Variants in PCDH10 observed in about 807,000 individuals in gnomAD.
PCDH10 encodes protocadherin 10.
A neutral mutation model predicts 74.4 loss-of-function variants in PCDH10; 15 were observed. That is an observed-to-expected ratio of 0.20 (90% CI 0.13 to 0.31). The LOEUF (loss-of-function observed/expected upper bound fraction) is 0.31. Among genes scored for constraint, PCDH10 ranks in the 10% least tolerant of loss-of-function variants. The pLI is 1.00. For missense variants in PCDH10, 1,260 were observed against 1,390.2 expected (o/e 0.91, Z 1.49); for synonymous variants, 619 against 589.8 (o/e 1.05, Z -0.72).
Position 133,154,375 on chromosome 4 carries a change from C to CT in PCDH10, c.2690+17dup, listed in dbSNP as rs758602701. The CT allele has an allele frequency of 3.2e-5, 50 of 1,558,336 alleles. No individual in the cohort carries two copies. Among genetic ancestry groups the CT allele is most frequent in the African/African-American group, 5.5e-5 (4 of 72,694 alleles). On this transcript the variant is annotated intron_variant, in intron 2 of 4. Coordinates refer to ENST00000264360, the MANE Select transcript of PCDH10 (RefSeq NM_032961.3). ...CTCGCCGAGTTAACAGGTATGGACTCTTTTTTTCCCTAGCAGTAATGGACA... is the reference window on the plus strand; with the variant it reads ...CTCGCCGAGTTAACAGGTATGGACTCTTTTTTTTCCCTAGCAGTAATGGACA...
chr4:133,184,034 C>T (rs1727474952), intron 4 of PCDH10, among the ~76,000 whole-genome samples: 1 of 151,938 alleles, frequency 6.6e-6, no homozygotes, highest in Admixed American at 6.6e-5. Context: ...ATTCAATATA[C>T]ACATAAATTA....
intron 1 of PCDH10, 82 bp from the exon 2 acceptor site, chr4:133,154,225 A>T: frequency 2.5e-6 from 2 of 809,446 alleles, no homozygotes; most frequent in Non-Finnish European, 2.1e-6. Context: ...CTTAAGCTAG[A>T]TATAGTTCCT....
intron 4 of PCDH10, among the ~76,000 whole-genome samples, chr4:133,184,784 A>AT (rs397746833): frequency 3.5e-4 from 49 of 138,280 alleles, no homozygotes; most frequent in East Asian, 1.4e-3. Flanking sequence ...ATATATATAT[A>AT]AATATATATA....
At chr4:133,164,759 T>C (rs887758650) in intron 4 of PCDH10, among the ~76,000 whole-genome samples, 2 of 151,326 alleles carry the variant, frequency 1.3e-5, no homozygotes, top group Non-Finnish European at 3.0e-5. Flanking sequence ...ATTTTTATTA[T>C]TAAAATATTA....
At chr4:133,188,625 C>T (rs1469027504) in intron 4 of PCDH10, among the ~76,000 whole-genome samples, 1 of 144,114 alleles carries the variant, frequency 6.9e-6, no homozygotes, top group Non-Finnish European at 1.5e-5. Context: ...TACTTATTTT[C>T]ACTTTCATTT....
At position 133,151,081 on chromosome 4, in the gene PCDH10, G is replaced by A; in HGVS notation, c.941G>A (p.Gly314Asp). ...SPRTGRLEVS[G>D]ELDYEESPVY... Reference sequence around the variant, plus strand: ...CGCACTGGCAGACTGGAGGTAAGCGGCGAGTTGGACTATGAAGAGAGCCCA... The same window carrying A: ...CGCACTGGCAGACTGGAGGTAAGCGACGAGTTGGACTATGAAGAGAGCCCA... The change falls in exon 1 of 5, where the codon GGC (glycine) becomes GAC (aspartate). Residue 314 changes from glycine to aspartate, a missense_variant. Physicochemically the swap from Gly to Asp is moderately conservative, Grantham distance 94. This residue lies in a region of PCDH10 where 192 missense variants were observed against 161.2 expected (regional missense o/e 1.19). Transcript: ENST00000264360. The A allele has an allele frequency of 6.2e-7, 1 of 1,614,102 alleles. No homozygotes were observed. Among genetic ancestry groups the A allele is most frequent in the Non-Finnish European group, 8.5e-7 (1 of 1,180,020 alleles).
At chr4:133,189,778 C>G (rs1209496126) in intron 4 of PCDH10, among the ~76,000 whole-genome samples, 2 of 151,932 alleles carry the variant, frequency 1.3e-5, no homozygotes, top group Non-Finnish European at 2.9e-5. Flanking sequence ...TTGCTAGAAA[C>G]TTTTTCTAGA....
chr4:133,149,941 TAA>T lies in PCDH10; in HGVS notation c.-192_-191del. 1.6e-6 allele frequency: 1 copy of T among 611,946 alleles called. No individual in the cohort carries two copies. The highest frequency in any genetic ancestry group is 2.5e-6 in the Non-Finnish European group (1 of 402,298). The allele number at this position is 611,946 out of a possible 1,614,324, so 37.9% of individuals were successfully genotyped here. A position where few individuals can be genotyped will look rare whatever the true frequency, so the allele number is the denominator to read the frequency against. The stretch of plus-strand genomic sequence containing the variant: ...CTGTCACCCTTCCTGTGCTAAGATT[TAA>T]AAAAAAATGAGGCTGGATTGCGGGA... On this transcript the variant is annotated 5_prime_UTR_variant, in exon 1 of 5. The change creates a new upstream start codon in the 5' untranslated region. Coordinates refer to ENST00000264360, the MANE Select transcript of PCDH10 (RefSeq NM_032961.3).
chr4:133,176,037 T>C (rs554853676), intron 4 of PCDH10, among the ~76,000 whole-genome samples: 42 of 152,286 alleles, frequency 2.8e-4, no homozygotes, highest in Non-Finnish European at 5.4e-4. Context: ...CCTATTCTTA[T>C]TGCTTTCAGA....
chr4:133,195,117 T>C (rs1184364574), downstream of PCDH10, among the ~76,000 whole-genome samples: 1 of 151,912 alleles, frequency 6.6e-6, no homozygotes, highest in Non-Finnish European at 1.5e-5. Flanking sequence ...AAGAAGAAAA[T>C]ATGAATTAAG....
chr4:133,170,635 G>A (rs945942950), intron 4 of PCDH10, among the ~76,000 whole-genome samples: 2 of 152,054 alleles, frequency 1.3e-5, no homozygotes, highest in African/African-American at 2.4e-5. Context: ...TAACATGACA[G>A]TATGGTGCTT....
downstream of PCDH10, among the ~76,000 whole-genome samples, chr4:133,197,789 CT>C (rs1213050030): frequency 6.6e-6 from 1 of 152,052 alleles, no homozygotes; most frequent in Non-Finnish European, 1.5e-5. Context: ...GTGAATAACT[CT>C]TCTTTTGATC....
intron 4 of PCDH10, among the ~76,000 whole-genome samples, chr4:133,174,446 A>G (rs1560711448): frequency 6.6e-6 from 1 of 151,858 alleles, no homozygotes; most frequent in Non-Finnish European, 1.5e-5. Flanking sequence ...ACTAAATTTA[A>G]TAATAACAGA....
downstream of PCDH10, among the ~76,000 whole-genome samples, chr4:133,199,383 G>A (rs1054576656): frequency 3.3e-5 from 5 of 150,742 alleles, no homozygotes; most frequent in African/African-American, 1.2e-4. Flanking sequence ...GAGACATTGG[G>A]GTAGGAAGAG....
Position 133,150,782 on chromosome 4 carries a change from A to C in PCDH10, c.642A>C (p.Glu214Asp). 3 of 956,364 alleles carry C rather than the reference A, an allele frequency of 3.1e-6. No homozygotes were observed. Among genetic ancestry groups the C allele is most frequent in the Non-Finnish European group, 4.4e-6 (3 of 689,358 alleles). The allele number at this position is 956,364 out of a possible 1,614,324, so 59.2% of individuals were successfully genotyped here. ...GAGGAGGTGGGGGAGGAGTAGGAGAAGGAGGGGGAGGTGGCGGGGGAGCAG... is the reference window on the plus strand; with the variant it reads ...GAGGAGGTGGGGGAGGAGTAGGAGACGGAGGGGGAGGTGGCGGGGGAGCAG... The part of the protein sequence containing the change: ...VDGGGGGGVG[E>D]GGGGGGGAGL... Residue 214 changes from glutamate (E) to aspartate (D), a missense_variant, in exon 1 of 5, where the codon GAA becomes GAC. Around this residue, in one of 11 missense-constraint regions of PCDH10, gnomAD observed 192 missense variants for 161.2 expected, o/e 1.19. Coordinates refer to ENST00000264360, the MANE Select transcript of PCDH10 (RefSeq NM_032961.3).
intron 3 of PCDH10, among the ~76,000 whole-genome samples, chr4:133,158,983 A>C (rs1420377695): frequency 6.6e-6 from 1 of 152,116 alleles, no homozygotes; most frequent in Non-Finnish European, 1.5e-5. Context: ...AGTTATGTTA[A>C]TAACTATCTG....
At position 133,186,478 on chromosome 4, in the gene PCDH10, G is replaced by C. The variant is rs1268109369; in HGVS notation, c.3104-3663G>C. 2.0e-5 allele frequency among the ~76,000 whole-genome samples: 3 copies of C among 152,112 alleles called. No individual in the cohort carries two copies. The East Asian group carries it at 5.8e-4, about 29-fold the overall frequency. The stretch of plus-strand genomic sequence containing the variant: ...AAAAGAAATCCTCCAAGCATGCTTT[G>C]ATAATTCCAAAACATACATAGAATA... On this transcript the variant is annotated intron_variant, in intron 4 of 4. Transcript: ENST00000264360.
chr4:133,154,436 T>C, intron 2 of PCDH10, 71 bp downstream of exon 2: 1 of 799,798 alleles, frequency 1.3e-6, no homozygotes, highest in Non-Finnish European at 2.0e-6. Context: ...GTAGGTATAT[T>C]ATTCTAAATT....
Position 133,191,467 on chromosome 4 carries a change from G to A in PCDH10, c.*1307G>A, listed in dbSNP as rs1236412720. 1 of 152,034 alleles carries A rather than the reference G, an allele frequency of 6.6e-6. No individual in the cohort carries two copies. The highest frequency in any genetic ancestry group is 1.5e-5 in the Non-Finnish European group (1 of 67,758). 9.4% of individuals were successfully genotyped at this position (152,034 alleles called of 1,614,324 possible). On this transcript the variant is annotated 3_prime_UTR_variant, in exon 5 of 5. Coordinates refer to ENST00000264360, the MANE Select transcript of PCDH10 (RefSeq NM_032961.3). ...CATGTGAAAATTTTATAGCTTAAAT[G>A]TAGTCAGTGTTTGATTAATGAAAAA...
Sources: allele counts gnomAD v4.1 joint callset (sites outside exome capture counted in the v4.1 genomes callset), GRCh38; gene constraint gnomAD v4.1.1; regional missense constraint gnomAD v4.1.1; transcripts MANE v1.5; gene names NCBI Gene and HGNC (gene_info 2026-07-23, HGNC 2026-07-21).